Variants in GRID2 observed in about 807,000 individuals in gnomAD.
GRID2 encodes glutamate receptor ionotropic, delta-2.
GRID2 carries 33 observed loss-of-function variants against 114.8 expected under a neutral mutation model. That is an observed-to-expected ratio of 0.29 (90% CI 0.22 to 0.38). The LOEUF (loss-of-function observed/expected upper bound fraction) is 0.38, where lower values mean the gene tolerates loss of function less well. Ranked by LOEUF, GRID2 falls within the 10% of genes least tolerant of loss-of-function variation. The pLI, the probability that GRID2 is intolerant of heterozygous loss-of-function variation, is 1.00. For missense variants in GRID2, 1,184 were observed against 1,257.7 expected (o/e 0.94, Z 0.89); for synonymous variants, 505 against 449.9 (o/e 1.12, Z -1.55).
chr4:93,575,549 C>G (rs983461813), intron 13 of GRID2, among the ~76,000 whole-genome samples: 1 of 152,124 alleles, frequency 6.6e-6, no homozygotes, highest in Non-Finnish European at 1.5e-5. Context: ...TATTTGACCT[C>G]TTTGAGCCTC....
intron 2 of GRID2, among the ~76,000 whole-genome samples, chr4:92,652,394 A>G (rs1271775189): frequency 2.0e-5 from 3 of 151,950 alleles, no homozygotes; most frequent in Non-Finnish European, 4.4e-5. Context: ...AATCAAATAT[A>G]GCCAAGCACG....
intron 2 of GRID2, among the ~76,000 whole-genome samples, chr4:92,656,022 T>G (rs1439466564): frequency 6.6e-6 from 1 of 151,906 alleles, no homozygotes; most frequent in East Asian, 1.9e-4. Context: ...TAGTCTTTAT[T>G]ATTTTGAGAT....
At chr4:93,313,739 C>T (rs747900272) in intron 8 of GRID2, among the ~76,000 whole-genome samples, 6 of 152,000 alleles carry the variant, frequency 3.9e-5, no homozygotes, top group African/African-American at 1.4e-4. Flanking sequence ...TTATGAGATG[C>T]CACTAGATAT....
chr4:93,657,024 G>T (rs912612833), intron 14 of GRID2, among the ~76,000 whole-genome samples: 1 of 151,834 alleles, frequency 6.6e-6, no homozygotes, highest in Admixed American at 6.6e-5. Context: ...GGGAAAAGGT[G>T]TCAATGTGTT....
intron 1 of GRID2, among the ~76,000 whole-genome samples, chr4:92,476,880 A>G (rs1387079200): frequency 6.6e-6 from 1 of 152,146 alleles, no homozygotes; most frequent in East Asian, 1.9e-4. Context: ...TGACTTTTCT[A>G]TCTTTAATTT....
intron 1 of GRID2, among the ~76,000 whole-genome samples, chr4:92,444,245 G>T (rs182313382): frequency 3.3e-5 from 5 of 152,142 alleles, no homozygotes; most frequent in Non-Finnish European, 7.3e-5. Context: ...CAGGCTTTGT[G>T]TGAGCGACAC....
chr4:92,327,132 T>G (rs1322960627), intron 1 of GRID2, among the ~76,000 whole-genome samples: 1 of 152,024 alleles, frequency 6.6e-6, no homozygotes, highest in Non-Finnish European at 1.5e-5. Context: ...TTTGTTTCTT[T>G]TTTGGTGCTT....
chr4:92,597,173 GC>G (rs1409210936), intron 2 of GRID2, among the ~76,000 whole-genome samples: 6 of 151,946 alleles, frequency 3.9e-5, no homozygotes, highest in Non-Finnish European at 5.9e-5. Context: ...GGCTGAGGAG[GC>G]CTTAGAAAAC....
chr4:92,393,380 C>G (rs1041127773), intron 1 of GRID2, among the ~76,000 whole-genome samples: 1 of 152,140 alleles, frequency 6.6e-6, no homozygotes, highest in African/African-American at 2.4e-5. Flanking sequence ...TACATAATAT[C>G]TCTCTTCAAG....
intron 2 of GRID2, among the ~76,000 whole-genome samples, chr4:92,888,957 T>C (rs777364776): frequency 4.6e-5 from 7 of 152,132 alleles, no homozygotes; most frequent in Non-Finnish European, 1.0e-4. Flanking sequence ...TTTTATTGTA[T>C]TTTGGTAATT....
intron 4 of GRID2, among the ~76,000 whole-genome samples, chr4:93,121,834 A>T (rs1395083515): frequency 6.6e-6 from 1 of 152,112 alleles, no homozygotes; most frequent in African/African-American, 2.4e-5. Context: ...TTTTATTTTA[A>T]CTGCTGGACA....
intron 4 of GRID2, 144 bp from the exon 5 acceptor site, chr4:93,207,260 T>C: frequency 2.9e-6 from 2 of 682,496 alleles, no homozygotes; most frequent in East Asian, 5.4e-5. Flanking sequence ...AGTGTTTTGC[T>C]AATAATTTTT....
chr4:92,685,211 T>C (rs1733841259), intron 2 of GRID2, among the ~76,000 whole-genome samples: 1 of 152,102 alleles, frequency 6.6e-6, no homozygotes, highest in East Asian at 1.9e-4. Context: ...GTGTCTACTC[T>C]GTGAAAACAT....
intron 13 of GRID2, among the ~76,000 whole-genome samples, chr4:93,558,428 A>G (rs1352269098): frequency 2.0e-5 from 3 of 152,244 alleles, no homozygotes; most frequent in Non-Finnish European, 4.4e-5. Flanking sequence ...CCACAGAAAT[A>G]CAAACTACCA....
chr4:93,127,358 C>T (rs942709152), intron 4 of GRID2, among the ~76,000 whole-genome samples: 3 of 151,866 alleles, frequency 2.0e-5, no homozygotes, highest in Admixed American at 2.0e-4. Context: ...GCTAGATTGC[C>T]TTTTGACTTA....
intron 2 of GRID2, among the ~76,000 whole-genome samples, chr4:92,802,216 C>T (rs1218810755): frequency 1.3e-5 from 2 of 151,832 alleles, no homozygotes; most frequent in African/African-American, 2.4e-5. Flanking sequence ...TCCCTACATA[C>T]ACTCACAGCC....
intron 8 of GRID2, among the ~76,000 whole-genome samples, chr4:93,287,491 C>A (rs1178595556): frequency 6.6e-6 from 1 of 152,138 alleles, no homozygotes; most frequent in Non-Finnish European, 1.5e-5. Context: ...ATTATCATAA[C>A]TCTAGTAGTG....
At chr4:92,391,190 A>C (rs759433813) in intron 1 of GRID2, among the ~76,000 whole-genome samples, 2 of 152,168 alleles carry the variant, frequency 1.3e-5, no homozygotes, top group Non-Finnish European at 2.9e-5. Context: ...ATGTGAGTAC[A>C]CTTTGGAAGT....
chr4:93,620,776 C>T (rs774461594), intron 13 of GRID2, among the ~76,000 whole-genome samples: 21 of 152,088 alleles, frequency 1.4e-4, no homozygotes, highest in Non-Finnish European at 2.8e-4. Context: ...TGTGCATAAA[C>T]GAGAAATGGT....
Sources: allele counts gnomAD v4.1 joint callset (sites outside exome capture counted in the v4.1 genomes callset), GRCh38; gene constraint gnomAD v4.1.1; transcripts MANE v1.5; gene names NCBI Gene and HGNC (gene_info 2026-07-23, HGNC 2026-07-21).